DACH1: variants seen among roughly 807,000 people sequenced by gnomAD.
DACH1 encodes the protein dachshund family transcription factor 1.
DACH1 carries 12 observed loss-of-function variants against 54.2 expected under a neutral mutation model. That is an observed-to-expected ratio of 0.22 (90% CI 0.14 to 0.36). The LOEUF (loss-of-function observed/expected upper bound fraction) is 0.36, where lower values mean the gene tolerates loss of function less well. Ranked by LOEUF, DACH1 falls within the 10% of genes least tolerant of loss-of-function variation. The pLI is 1.00. For synonymous variants in DACH1, 386 were observed against 366.2 expected, an observed-to-expected ratio of 1.05 and a Z score of -0.62; for missense variants, 805 against 929.8, an observed-to-expected ratio of 0.87 and a Z score of 1.75.
intron 10 of DACH1, among the ~76,000 whole-genome samples, chr13:71,467,640 G>T (rs1876710573): frequency 6.6e-6 from 1 of 151,952 alleles, no homozygotes; most frequent in African/African-American, 2.4e-5. Flanking sequence ...CTAGTTAAAT[G>T]AGTAGTTAAC....
intron 6 of DACH1, among the ~76,000 whole-genome samples, chr13:71,509,857 T>C (rs952752748): frequency 6.6e-6 from 1 of 152,100 alleles, no homozygotes; most frequent in Non-Finnish European, 1.5e-5. Context: ...TGTTCCAGTT[T>C]TTCAGTTTCT....
intron 1 of DACH1, among the ~76,000 whole-genome samples, chr13:71,816,772 G>C (rs1370310192): frequency 6.6e-6 from 1 of 151,848 alleles, no homozygotes; most frequent in Non-Finnish European, 1.5e-5. Context: ...AGCCTGGATG[G>C]AGATGGAGGC....
At chr13:71,623,827 C>T (rs936890799) in intron 3 of DACH1, among the ~76,000 whole-genome samples, 1 of 151,912 alleles carries the variant, frequency 6.6e-6, no homozygotes, top group African/African-American at 2.4e-5. Context: ...TTGCTCTCTG[C>T]TCCCCTACCT....
chr13:71,453,879 T>C (rs748080386), intron 10 of DACH1, among the ~76,000 whole-genome samples: 2 of 152,146 alleles, frequency 1.3e-5, no homozygotes, highest in Non-Finnish European at 2.9e-5. Flanking sequence ...CATAGGGAAA[T>C]AACTTTTCTT....
intron 1 of DACH1, among the ~76,000 whole-genome samples, chr13:71,744,761 C>T (rs949868712): frequency 2.6e-5 from 4 of 152,016 alleles, no homozygotes; most frequent in African/African-American, 9.7e-5. Flanking sequence ...AGAATCCATA[C>T]AAAAAGGAAA....
In DACH1 at chr13:71,630,576, C is replaced by G; in HGVS notation, c.1106G>C (p.Gly369Ala). 4 of 1,590,690 alleles carry G rather than the reference C, an allele frequency of 2.5e-6. No individual in the cohort carries two copies. Among genetic ancestry groups the G allele is most frequent in the Non-Finnish European group, 3.4e-6 (4 of 1,173,414 alleles). Residue 369 changes from glycine (G) to alanine (A), a missense_variant, in exon 3 of 11, where the codon GGG becomes GCG. Transcript: ENST00000613252. ...NNQHGADSEN[G>A]DMNSSVGLEL... ...CTTACCGACACTTGAATTCATGTCCCCGTTTTCAGAGTCTGCTCCATGTTG... is the reference window on the plus strand; with the variant it reads ...CTTACCGACACTTGAATTCATGTCCGCGTTTTCAGAGTCTGCTCCATGTTG...
At chr13:71,671,691 G>T (rs1406556284) in intron 2 of DACH1, among the ~76,000 whole-genome samples, 1 of 151,964 alleles carries the variant, frequency 6.6e-6, no homozygotes, top group African/African-American at 2.4e-5. Context: ...CAAAAAAATC[G>T]TATTGTTTTG....
chr13:71,835,985 C>A (rs930595790), intron 1 of DACH1, among the ~76,000 whole-genome samples: 2 of 151,808 alleles, frequency 1.3e-5, no homozygotes, highest in African/African-American at 4.8e-5. Context: ...GGCTATTTAC[C>A]AACTTGAAAA....
At chr13:71,519,405 A>T (rs1881403735) in intron 6 of DACH1, among the ~76,000 whole-genome samples, 1 of 151,832 alleles carries the variant, frequency 6.6e-6, no homozygotes, top group African/African-American at 2.4e-5. Flanking sequence ...ATGATTGATG[A>T]TGATGAAACA....
chr13:71,713,321 G>T (rs1594127179), intron 1 of DACH1, among the ~76,000 whole-genome samples: 1 of 151,990 alleles, frequency 6.6e-6, no homozygotes, highest in African/African-American at 2.4e-5. Flanking sequence ...TTCTAGTAAA[G>T]AATTTATTTC....
chr13:71,860,221 T>TACAC (rs141566720), intron 1 of DACH1, among the ~76,000 whole-genome samples: 8,646 of 148,892 alleles, frequency 0.058, 284 homozygotes, highest in Non-Finnish European at 0.066. Context: ...CATACGTATG[T>TACAC]ACACACACAC....
At chr13:71,565,677 A>T (rs1053730832) in intron 4 of DACH1, among the ~76,000 whole-genome samples, 6 of 151,692 alleles carry the variant, frequency 4.0e-5, no homozygotes, top group African/African-American at 1.5e-4. Flanking sequence ...ACATAGCTTT[A>T]AAAAAAAACT....
At chr13:71,795,859 G>A (rs151179295) in intron 1 of DACH1, among the ~76,000 whole-genome samples, 4 of 152,262 alleles carry the variant, frequency 2.6e-5, no homozygotes, top group Admixed American at 6.5e-5. Context: ...ACATAGCTTG[G>A]CGTGGTAAGT....
intron 1 of DACH1, among the ~76,000 whole-genome samples, chr13:71,688,399 C>T (rs1881294741): frequency 6.6e-6 from 1 of 152,154 alleles, no homozygotes; most frequent in Non-Finnish European, 1.5e-5. Flanking sequence ...TCCAAATCAT[C>T]CAGAAGCTAT....
chr13:71,642,895 C>T (rs974431713), intron 2 of DACH1, among the ~76,000 whole-genome samples: 3 of 151,788 alleles, frequency 2.0e-5, no homozygotes, highest in South Asian at 4.2e-4. Flanking sequence ...CATAGTGGCA[C>T]GTGCCTGTAA....
At chr13:71,721,280 T>C (rs1594135793) in intron 1 of DACH1, among the ~76,000 whole-genome samples, 1 of 152,246 alleles carries the variant, frequency 6.6e-6, no homozygotes, top group East Asian at 1.9e-4. Flanking sequence ...AGACATTTAG[T>C]TCCACTGATG....
intron 1 of DACH1, among the ~76,000 whole-genome samples, chr13:71,706,682 C>T (rs765615878): frequency 8.5e-5 from 13 of 152,050 alleles, no homozygotes; most frequent in Non-Finnish European, 1.8e-4. Flanking sequence ...TTTTTCACTA[C>T]ACAATTTTAT....
At chr13:71,465,972 C>T (rs1257389583) in intron 10 of DACH1, among the ~76,000 whole-genome samples, 1 of 152,108 alleles carries the variant, frequency 6.6e-6, no homozygotes, top group Non-Finnish European at 1.5e-5. Context: ...ATTTGTTGAG[C>T]TTCTTAATAT....
intron 2 of DACH1, among the ~76,000 whole-genome samples, chr13:71,654,345 G>A (rs955999418): frequency 2.0e-5 from 3 of 147,408 alleles, no homozygotes; most frequent in African/African-American, 5.0e-5. Flanking sequence ...AGCCGAGACT[G>A]CACCACCACA....
Sources: gnomAD v4.1 joint callset for allele counts (sites outside exome capture counted in the v4.1 genomes callset) on GRCh38, gnomAD v4.1.1 for gene constraint, MANE v1.5 for transcripts, NCBI Gene and HGNC (gene_info 2026-07-23, HGNC 2026-07-21) for gene names.